Variants in CSNK1G3 observed in about 807,000 individuals in gnomAD.
The protein encoded by CSNK1G3 is casein kinase 1 gamma 3, also known as casein kinase I isoform gamma-3.
In CSNK1G3, 23 loss-of-function variants were observed where a neutral mutation model predicts 64.3. That is an observed-to-expected ratio of 0.36 (90% CI 0.26 to 0.51). The LOEUF is 0.51. Among genes scored for constraint, CSNK1G3 ranks in the 20% least tolerant of loss-of-function variants. The pLI is 0.96. For synonymous variants in CSNK1G3, 158 were observed against 162.2 expected (o/e 0.97, Z 0.20); for missense variants, 357 against 510.5 (o/e 0.70, Z 2.90).
intron 8 of CSNK1G3, among the ~76,000 whole-genome samples, 164 bp downstream of exon 8, chr5:123,588,675 G>T (rs1303763583): frequency 6.6e-6 from 1 of 151,966 alleles, no homozygotes; most frequent in Non-Finnish European, 1.5e-5. Flanking sequence ...GGGACACTTT[G>T]TGTATTTGCT....
At chr5:123,567,831 TCTTTATTAATCAA>T (rs1377964476) in intron 4 of CSNK1G3, among the ~76,000 whole-genome samples, 1 of 152,196 alleles carries the variant, frequency 6.6e-6, no homozygotes, top group East Asian at 1.9e-4. Context: ...CTCAAGCACA[TCTTTATTAATCAA>T]AATAGGAACC....
At chr5:123,555,655 A>G (rs1212091435) in intron 3 of CSNK1G3, among the ~76,000 whole-genome samples, 1 of 152,082 alleles carries the variant, frequency 6.6e-6, no homozygotes, top group Non-Finnish European at 1.5e-5. Context: ...TACCATCCTT[A>G]TATCTTGTTG....
rs372772927 is a variant in CSNK1G3 at position 123,575,967 on chromosome 5, T to C, written c.673+4T>C. ...ATAAACACACATTTAGGAAAAGGTA[T>C]GTGTACCTTTCGTAAGTATGGAAGT... On this transcript the variant is annotated splice_donor_region_variant and intron_variant, in intron 6 of 12. Transcript: ENST00000345990. 6.4e-6 allele frequency: 10 copies of C among 1,568,282 alleles called. No individual in the cohort carries two copies. Among genetic ancestry groups the C allele is most frequent in the South Asian group, 2.2e-5 (2 of 89,578 alleles).
intron 5 of CSNK1G3, among the ~76,000 whole-genome samples, chr5:123,575,352 A>G (rs548334783): frequency 6.6e-6 from 1 of 152,316 alleles, no homozygotes; most frequent in African/African-American, 2.4e-5. Flanking sequence ...TTGAACTGAT[A>G]AGGAAGATTA....
At chr5:123,575,682 A>T (rs762861241) in intron 5 of CSNK1G3, 47 bp from the exon 6 acceptor site, 2 of 1,150,416 alleles carry the variant, frequency 1.7e-6, no homozygotes, top group South Asian at 1.3e-5. Context: ...TGCTTAGGCT[A>T]GTCAAAGCCC....
intron 2 of CSNK1G3, among the ~76,000 whole-genome samples, chr5:123,547,738 T>G (rs559862655): frequency 6.6e-6 from 1 of 152,268 alleles, no homozygotes. Context: ...AAATGTATTA[T>G]CTCTATATAT....
chr5:123,612,538 C>T (rs1479241586), intron 12 of CSNK1G3, among the ~76,000 whole-genome samples: 1 of 149,708 alleles, frequency 6.7e-6, no homozygotes, highest in Non-Finnish European at 1.5e-5. Flanking sequence ...AGTGCAATGG[C>T]GCGACCTTGG....
rs186866767 is a variant in CSNK1G3 at position 123,544,412 on chromosome 5, C to G, written c.-247-1005C>G. ...TATTTGGGGGTTGCTGAAAATTAATCAGAAAATACTGTCCGTTTCAACCCT... is the reference window on the plus strand; with the variant it reads ...TATTTGGGGGTTGCTGAAAATTAATGAGAAAATACTGTCCGTTTCAACCCT... On this transcript the variant is annotated intron_variant, in intron 1 of 12. Coordinates refer to ENST00000345990, the Ensembl canonical transcript of CSNK1G3. Among the ~76,000 whole-genome samples the G allele has an allele frequency of 3.5e-4, 54 of 152,270 alleles. No individual in the cohort carries two copies. In the East Asian group the frequency reaches 7.7e-3, roughly 22 times the overall value.
chr5:123,564,145 T>C (rs1786349675), intron 4 of CSNK1G3, among the ~76,000 whole-genome samples: 1 of 152,088 alleles, frequency 6.6e-6, no homozygotes, highest in South Asian at 2.1e-4. Flanking sequence ...TCATAGTAGA[T>C]GGAAGTATAC....
intron 4 of CSNK1G3, among the ~76,000 whole-genome samples, chr5:123,557,843 C>G (rs932643216): frequency 5.9e-5 from 9 of 152,156 alleles, no homozygotes; most frequent in Admixed American, 4.6e-4. Flanking sequence ...TTTGGAGGCA[C>G]TATTATAGCT....
chr5:123,611,024 A>C (rs182458430), intron 12 of CSNK1G3, among the ~76,000 whole-genome samples: 38 of 152,354 alleles, frequency 2.5e-4, no homozygotes, highest in African/African-American at 9.1e-4. Context: ...AAGTTATTAC[A>C]GAAAAATAAA....
chr5:123,545,769 G>A, exon 2 of CSNK1G3: 1 of 1,613,724 alleles, frequency 6.2e-7, no homozygotes, highest in Non-Finnish European at 8.5e-7. Flanking sequence ...ATCGTCTGGA[G>A]TTTTAATGGT....
chr5:123,523,753 C>G (rs899169406), intron 1 of CSNK1G3, among the ~76,000 whole-genome samples: 3 of 152,196 alleles, frequency 2.0e-5, no homozygotes, highest in Admixed American at 1.3e-4. Flanking sequence ...CTAACATCCA[C>G]AGCACTCTGA....
At chr5:123,568,498 G>C (rs930658481) in intron 4 of CSNK1G3, among the ~76,000 whole-genome samples, 72 of 152,196 alleles carry the variant, frequency 4.7e-4, no homozygotes, top group Non-Finnish European at 5.1e-4. Context: ...AAAAATGTTT[G>C]CTCAGCTCAT....
chr5:123,604,920 AT>A, intron 11 of CSNK1G3, 90 bp downstream of exon 12: 1 of 1,046,946 alleles, frequency 9.6e-7, no homozygotes, highest in Non-Finnish European at 1.4e-6. Flanking sequence ...ATTTCAGGAA[AT>A]TTTTTTCAGG....
chr5:123,517,076 A>G (rs1777298683), intron 1 of CSNK1G3, among the ~76,000 whole-genome samples: 1 of 152,188 alleles, frequency 6.6e-6, no homozygotes, highest in South Asian at 2.1e-4. Flanking sequence ...CCTTCATTTC[A>G]GAAGTTGCCG....
chr5:123,528,927 A>T (rs1470974189), intron 1 of CSNK1G3, among the ~76,000 whole-genome samples: 2 of 152,210 alleles, frequency 1.3e-5, no homozygotes, highest in African/African-American at 4.8e-5. Context: ...GAGTCACCCA[A>T]TGTGCGTGTT....
intron 5 of CSNK1G3, among the ~76,000 whole-genome samples, chr5:123,573,837 CTCAGAAACATAGA>C (rs901089449): frequency 9.9e-5 from 15 of 150,882 alleles, no homozygotes; most frequent in Non-Finnish European, 1.6e-4. Context: ...AAAGAGAACC[CTCAGAAACATAGA>C]TTTTTTTTTT....
chr5:123,513,177 G>A (rs942843199), intron 1 of CSNK1G3, among the ~76,000 whole-genome samples: 6 of 152,154 alleles, frequency 3.9e-5, no homozygotes, highest in Non-Finnish European at 5.9e-5. Context: ...ATTAGTCAAA[G>A]GTTAGCAAAA....
Sources: gnomAD v4.1 joint callset for allele counts (sites outside exome capture counted in the v4.1 genomes callset) on GRCh38, gnomAD v4.1.1 for gene constraint, MANE v1.5 for transcripts, NCBI Gene and HGNC (gene_info 2026-07-23, HGNC 2026-07-21) for gene names.